The following PINLYP variants were observed in gnomAD, a reference collection of about 807,000 sequenced individuals.
PINLYP encodes phospholipase A2 inhibitor and Ly6/PLAUR domain-containing protein.
PINLYP carries 12 observed loss-of-function variants against 15.8 expected under a neutral mutation model. The observed-to-expected ratio is 0.76, with a 90% CI of 0.49 to 1.23. The LOEUF (loss-of-function observed/expected upper bound fraction) is 1.23. PINLYP is among the 50% of genes most tolerant of loss of function. PINLYP has a pLI of 0.00. For synonymous variants in PINLYP, 93 were observed against 97.7 expected, an observed-to-expected ratio of 0.95 and a Z score of 0.28; for missense variants, 278 against 264.2, an observed-to-expected ratio of 1.05 and a Z score of -0.36.
chr19:43,578,397 GCTT>G (rs1972890161), intron 2 of PINLYP, among the ~76,000 whole-genome samples, 190 bp from the exon 3 acceptor site: 1 of 152,218 alleles, frequency 6.6e-6, no homozygotes, highest in Admixed American at 6.5e-5. Flanking sequence ...CCTGGAAGCA[GCTT>G]TGCTGGCATC....
At chr19:43,581,728 A>G (rs1402117074) in intron 5 of PINLYP, 25 bp downstream of exon 5, 1 of 1,535,830 alleles carries the variant, frequency 6.5e-7, no homozygotes, top group East Asian at 2.4e-5. Context: ...AATCTCTGGA[A>G]AAGGAAACAG....
rs889571550 is a variant in PINLYP at position 43,577,045 on chromosome 19, T to G, written c.-77-70T>G. On this transcript the variant is annotated intron_variant, in intron 1 of 5. Coordinates refer to ENST00000599207, the Ensembl canonical transcript of PINLYP. ...TGCCCAGGTCACTTTTGGATTCTGGTTCTGCCTTCCCAACCCGGAGGCCAC... is the reference window on the plus strand; with the variant it reads ...TGCCCAGGTCACTTTTGGATTCTGGGTCTGCCTTCCCAACCCGGAGGCCAC... The G allele has an allele frequency of 4.6e-5, 67 of 1,449,800 alleles. 1 individual carries two copies. The highest frequency in any genetic ancestry group is 2.4e-4 in the Middle Eastern group (1 of 4,088). 89.8% of individuals were successfully genotyped at this position (1,449,800 alleles called of 1,614,324 possible).
chr19:43,579,223 A>G (rs1409565325), intron 3 of PINLYP: 8 of 164,564 alleles, frequency 4.9e-5, no homozygotes, highest in Non-Finnish European at 6.6e-5. Flanking sequence ...GAGATGGATG[A>G]TAACCTTGAA....
At chr19:43,579,594 GTGGA>G (rs1245763615) in intron 3 of PINLYP, among the ~76,000 whole-genome samples, 3 of 150,584 alleles carry the variant, frequency 2.0e-5, no homozygotes, top group African/African-American at 7.3e-5. Flanking sequence ...AGGGGGAGAT[GTGGA>G]TGAGTAAAAT....
chr19:43,581,720 T>C lies in PINLYP; in HGVS notation c.481+17T>C, dbSNP rs1222166810. Reference sequence around the variant, plus strand: ...TGCAGGCTGGTGAGTGGTGCCTGAATCTCTGGAAAAGGAAACAGAACTAGA... The same window carrying C: ...TGCAGGCTGGTGAGTGGTGCCTGAACCTCTGGAAAAGGAAACAGAACTAGA... On this transcript the variant is annotated intron_variant, in intron 5 of 5. Coordinates refer to ENST00000599207, the Ensembl canonical transcript of PINLYP. 4 of 1,535,910 alleles carry C rather than the reference T, an allele frequency of 2.6e-6. No individual in the cohort carries two copies. In the East Asian group the frequency reaches 9.8e-5, roughly 38 times the overall value.
exon 1 of PINLYP, among the ~76,000 whole-genome samples, chr19:43,576,276 A>G (rs1417476492): frequency 2.0e-5 from 3 of 152,142 alleles, no homozygotes; most frequent in African/African-American, 7.2e-5. Flanking sequence ...ATTCTACGCA[A>G]CAGGATCTCT....
chr19:43,581,178 G>A, intron 3 of PINLYP, 34 bp from the exon 4 acceptor site: 1 of 1,531,698 alleles, frequency 6.5e-7, no homozygotes, highest in Non-Finnish European at 8.7e-7. Flanking sequence ...GGAGTGGTCA[G>A]CCAGCACTGT....
intron 3 of PINLYP, 164 bp from the exon 4 acceptor site, chr19:43,581,048 G>A: frequency 1.2e-6 from 1 of 861,320 alleles, no homozygotes; most frequent in Non-Finnish European, 1.7e-6. Flanking sequence ...TCCAGCCTGG[G>A]CAACTCCGTC....
chr19:43,579,730 T>G (rs113963692), intron 3 of PINLYP, among the ~76,000 whole-genome samples: 1,623 of 143,362 alleles, frequency 0.011, 21 homozygotes, highest in Middle Eastern at 0.045. Context: ...GAGATCCATC[T>G]CTACAGAAAA....
At chr19:43,581,954 A>T in exon 6 of PINLYP, 1 of 1,536,536 alleles carries the variant, frequency 6.5e-7, no homozygotes, top group Non-Finnish European at 8.7e-7. Flanking sequence ...ACCCACAGGC[A>T]CCAATGTCCT....
intron 4 of PINLYP, 87 bp downstream of exon 4, chr19:43,581,451 A>G: frequency 6.6e-7 from 1 of 1,515,910 alleles, no homozygotes; most frequent in Non-Finnish European, 8.8e-7. Flanking sequence ...CTGTTTCCTT[A>G]CCTGTAAAAT....
In PINLYP at chr19:43,578,582, C is replaced by T. The variant is rs376324154; in HGVS notation, c.71-8C>T. The stretch of plus-strand genomic sequence containing the variant: ...TGACTACAGCCTCGCCCTCTGTCTA[C>T]ACTGCAGGGTGCCCACTACACTGCG... On this transcript the variant is annotated splice_polypyrimidine_tract_variant and splice_region_variant and intron_variant, in intron 2 of 5. Coordinates refer to ENST00000599207, the Ensembl canonical transcript of PINLYP. The T allele has an allele frequency of 5.0e-5, 77 of 1,532,150 alleles. 1 individual carries two copies. In the African/African-American group the frequency reaches 1.0e-3, roughly 20 times the overall value. The allele number at this position is 1,532,150 out of a possible 1,614,324, so 94.9% of individuals were successfully genotyped here. A position where few individuals can be genotyped will look rare whatever the true frequency, so the allele number is the denominator to read the frequency against.
intron 3 of PINLYP, chr19:43,579,124 G>A (rs1052631276): frequency 8.8e-6 from 2 of 226,474 alleles, no homozygotes; most frequent in African/African-American, 4.6e-5. Flanking sequence ...AGTGTAATCA[G>A]GGAAGAGGTC....
chr19:43,575,613 G>C, upstream of PINLYP: 1 of 649,716 alleles, frequency 1.5e-6, no homozygotes. Context: ...CGCCGGCGCC[G>C]GCGTCGACAC....
exon 3 of PINLYP, chr19:43,578,696 G>A: frequency 6.5e-7 from 1 of 1,535,788 alleles, no homozygotes; most frequent in East Asian, 2.4e-5. Flanking sequence ...TGGTCGGGAA[G>A]GCTACTTCAA....
In PINLYP at chr19:43,578,494, C is replaced by G. The variant is rs145618106; in HGVS notation, c.71-96C>G. 3.1e-3 allele frequency: 2,515 copies of G among 808,590 alleles called. 11 individuals are homozygous for G. The highest frequency in any genetic ancestry group is 5.9e-3 in the Middle Eastern group (16 of 2,730). 50.1% of individuals were successfully genotyped at this position (808,590 alleles called of 1,614,324 possible). A position where few individuals can be genotyped will look rare whatever the true frequency, so the allele number is the denominator to read the frequency against. On this transcript the variant is annotated intron_variant, in intron 2 of 5. Transcript: ENST00000599207. ...CATGAAAAACCAGGGAGCTGCTGGTCCCTCCTCTCTCAGGACACAAAAGTC... is the reference window on the plus strand; with the variant it reads ...CATGAAAAACCAGGGAGCTGCTGGTGCCTCCTCTCTCAGGACACAAAAGTC...
chr19:43,581,506 G>A (rs1041045356), intron 4 of PINLYP, 57 bp from the exon 5 acceptor site: 6 of 1,511,402 alleles, frequency 4.0e-6, no homozygotes, highest in Non-Finnish European at 5.3e-6. Flanking sequence ...GTTGTTGGGA[G>A]GTTGGGGGAA....
chr19:43,578,509 A>C (rs1972891328), intron 2 of PINLYP, 81 bp from the exon 3 acceptor site: 1 of 998,464 alleles, frequency 1.0e-6, no homozygotes, highest in African/African-American at 1.6e-5. Context: ...CTCTCTCAGG[A>C]CACAAAAGTC....
chr19:43,581,047 G>C, intron 3 of PINLYP, 165 bp from the exon 4 acceptor site: 1 of 855,554 alleles, frequency 1.2e-6, no homozygotes. Flanking sequence ...CTCCAGCCTG[G>C]GCAACTCCGT....
Sources: gnomAD v4.1 joint callset for allele counts (sites outside exome capture counted in the v4.1 genomes callset) on GRCh38, gnomAD v4.1.1 for gene constraint, MANE v1.5 for transcripts, NCBI Gene and HGNC (gene_info 2026-07-23, HGNC 2026-07-21) for gene names.